The following STK33 variants were observed in gnomAD, a reference collection of about 807,000 sequenced individuals.
The protein encoded by STK33 is serine/threonine kinase 33.
In STK33, 52 loss-of-function variants were observed where a neutral mutation model predicts 58.0. The ratio of observed to expected loss-of-function variants is 0.90; its 90% CI spans 0.72 to 1.13. STK33 has a LOEUF of 1.13. Ranked by LOEUF, STK33 falls within the 50% of genes most tolerant of loss-of-function variation. STK33 has a pLI of 0.00. For missense variants in STK33, 630 were observed against 604.2 expected, an observed-to-expected ratio of 1.04 and a Z score of -0.45; for synonymous variants, 215 against 200.1, an observed-to-expected ratio of 1.07 and a Z score of -0.63.
Position 8,435,544 on chromosome 11 carries a change from G to C in STK33, c.1096C>G (p.Pro366Ala). 5 of 1,510,620 alleles carry C rather than the reference G, an allele frequency of 3.3e-6. No homozygotes were observed. The highest frequency in any genetic ancestry group is 4.5e-6 in the Non-Finnish European group (5 of 1,120,382). 93.6% of individuals were successfully genotyped at this position (1,510,620 alleles called of 1,614,324 possible). A position where few individuals can be genotyped will look rare whatever the true frequency, so the allele number is the denominator to read the frequency against. ...SVLKQLMKVD[P>A]AHRITAKELL... ...TCCTTAGCTGTGATTCTGTGAGCAG[G>C]ATCTACTTTCATAAGTTGTTTCAAA... The change falls in exon 14 of 16, where the codon CCT (proline) becomes GCT (alanine). Residue 366 changes from proline (P) to alanine (A), a missense_variant. Pro to Ala is a conservative substitution (Grantham distance 27, BLOSUM62 -1). Transcript: ENST00000687296.
intron 7 of STK33, among the ~76,000 whole-genome samples, chr11:8,462,442 T>TATACAC (rs1554950207): frequency 7.8e-6 from 1 of 128,328 alleles, no homozygotes; most frequent in Non-Finnish European, 1.6e-5. Flanking sequence ...TATACATATA[T>TATACAC]ACACACACAC....
At chr11:8,342,936 C>A in the STK33 span, among the ~76,000 whole-genome samples, 9 of 152,232 alleles carry the variant, frequency 5.9e-5, no homozygotes, top group African/African-American at 2.2e-4. Flanking sequence ...GCCAGGGAGG[C>A]AGGGGCATAA....
At chr11:8,348,333 G>T in the STK33 span, among the ~76,000 whole-genome samples, 7 of 152,256 alleles carry the variant, frequency 4.6e-5, no homozygotes, top group Admixed American at 4.6e-4. Context: ...CACCTCAGGA[G>T]ACTTACAATC....
intron 11 of STK33, 92 bp downstream of exon 11, chr11:8,452,730 G>C (rs1395641113): frequency 8.6e-7 from 1 of 1,156,716 alleles, no homozygotes; most frequent in Non-Finnish European, 1.3e-6. Context: ...CAAGGCTGCA[G>C]TGAGCCAAGA....
intron 1 of STK33, among the ~76,000 whole-genome samples, chr11:8,489,924 TA>T (rs1450384853): frequency 2.0e-5 from 3 of 150,708 alleles, no homozygotes; most frequent in Admixed American, 1.3e-4. Flanking sequence ...AGTAAACAAT[TA>T]AAAAAAAACA....
the STK33 span, among the ~76,000 whole-genome samples, chr11:8,335,638 C>T: frequency 3.3e-5 from 5 of 152,296 alleles, no homozygotes; most frequent in South Asian, 2.1e-4. Context: ...TATAGAAATA[C>T]AATGTGAGCC....
At chr11:8,497,719 C>T (rs1951171544) in intron 1 of STK33, among the ~76,000 whole-genome samples, 1 of 152,158 alleles carries the variant, frequency 6.6e-6, no homozygotes, top group Non-Finnish European at 1.5e-5. Context: ...GCCTTTGCCT[C>T]CCAAAGTACT....
intron 14 of STK33, among the ~76,000 whole-genome samples, chr11:8,422,495 C>G (rs997694176): frequency 6.6e-6 from 1 of 151,974 alleles, no homozygotes; most frequent in Non-Finnish European, 1.5e-5. Flanking sequence ...GAAAATTTTT[C>G]TCTTTTGAGG....
At chr11:8,386,062 C>T in the STK33 span, among the ~76,000 whole-genome samples, 2 of 152,212 alleles carry the variant, frequency 1.3e-5, no homozygotes, top group Admixed American at 6.5e-5. Flanking sequence ...CGTGAGCCAC[C>T]GCGCCCGGCC....
the STK33 span, among the ~76,000 whole-genome samples, chr11:8,353,601 A>T: frequency 6.6e-6 from 1 of 151,290 alleles, no homozygotes; most frequent in Non-Finnish European, 1.5e-5. Context: ...ATGTGCCACC[A>T]CCCCCTCCTC....
At chr11:8,523,847 T>C (rs1953778242) in intron 1 of STK33, among the ~76,000 whole-genome samples, 1 of 152,208 alleles carries the variant, frequency 6.6e-6, no homozygotes, top group South Asian at 2.1e-4. Flanking sequence ...GAATGGGCCA[T>C]GATGACGATG....
rs756620640 is a variant in STK33 at position 8,452,844 on chromosome 11, T to C, written c.849A>G (p.Thr283=). ...TACCCATATAGATAGGAGTCCCACA[T>C]GTGGCCTGCAGCATGGCTTCACTCC... is the stretch of plus-strand genomic sequence containing the variant. The part of the protein sequence containing the change: ...QSRSEAMLQA[T]CGTPIYMAPE... Residue 283 remains threonine (T), a synonymous_variant, in exon 11 of 16, where the codon ACA becomes ACG. Coordinates refer to ENST00000687296, the MANE Select transcript of STK33 (RefSeq NM_001352389.2). 7 of 1,614,108 alleles carry C rather than the reference T, an allele frequency of 4.3e-6. No individual in the cohort carries two copies. The highest frequency in any genetic ancestry group is 2.2e-5 in the East Asian group (1 of 44,882).
intron 1 of STK33, among the ~76,000 whole-genome samples, chr11:8,506,351 A>G (rs1951861795): frequency 6.6e-6 from 1 of 152,202 alleles, no homozygotes; most frequent in African/African-American, 2.4e-5. Flanking sequence ...AGTACTAAAG[A>G]GCCCTATATT....
At chr11:8,394,143 G>GA (rs1564837795) in intron 15 of STK33, among the ~76,000 whole-genome samples, 1 of 152,054 alleles carries the variant, frequency 6.6e-6, no homozygotes, top group Non-Finnish European at 1.5e-5. Flanking sequence ...TTAAGAGGTA[G>GA]AAAATATTTA....
chr11:8,356,420 G>C, the STK33 span, among the ~76,000 whole-genome samples: 1 of 152,156 alleles, frequency 6.6e-6, no homozygotes, highest in African/African-American at 2.4e-5. Flanking sequence ...AGGGGACCCT[G>C]CCCTGCGAGG....
intron 1 of STK33, among the ~76,000 whole-genome samples, chr11:8,586,056 A>G (rs2031540665): frequency 6.6e-6 from 1 of 151,900 alleles, no homozygotes; most frequent in Non-Finnish European, 1.5e-5. Context: ...TCCATCTCAA[A>G]AAACAAAAAA....
At chr11:8,416,293 A>G (rs1941115566) in intron 14 of STK33, among the ~76,000 whole-genome samples, 1 of 152,202 alleles carries the variant, frequency 6.6e-6, no homozygotes, top group Non-Finnish European at 1.5e-5. Flanking sequence ...CCTCTGTCTT[A>G]TAAGTTATAT....
chr11:8,515,173 T>C (rs1193356603), intron 1 of STK33, among the ~76,000 whole-genome samples: 3 of 151,974 alleles, frequency 2.0e-5, no homozygotes, highest in East Asian at 1.9e-4. Context: ...GACAAACTCT[T>C]AGCTATACTA....
At chr11:8,369,295 C>CTGTGTG in the STK33 span, among the ~76,000 whole-genome samples, 7,985 of 137,674 alleles carry the variant, frequency 0.058, 281 homozygotes, top group Middle Eastern at 0.096. Context: ...GGTTTTTACT[C>CTGTGTG]TGTGTGTGTG....
Sources: allele counts gnomAD v4.1 joint callset (sites outside exome capture counted in the v4.1 genomes callset), GRCh38; gene constraint gnomAD v4.1.1; transcripts MANE v1.5; gene names NCBI Gene and HGNC (gene_info 2026-07-23, HGNC 2026-07-21).